The following GRM7 variants were observed in gnomAD, a reference collection of about 807,000 sequenced individuals.
The protein encoded by GRM7 is glutamate metabotropic receptor 7.
In GRM7, 35 loss-of-function variants were observed where a neutral mutation model predicts 84.5. The observed-to-expected ratio is 0.41, with a 90% CI of 0.32 to 0.55. The LOEUF is 0.55. Ranked by LOEUF, GRM7 falls within the 20% of genes least tolerant of loss-of-function variation. GRM7 has a pLI of 0.19. For missense variants in GRM7, 1,003 were observed against 1,194.6 expected (o/e 0.84, Z 2.36); for synonymous variants, 487 against 455.1 (o/e 1.07, Z -0.89).
intron 4 of GRM7, among the ~76,000 whole-genome samples, chr3:7,315,617 G>A (rs919601638): frequency 5.3e-5 from 8 of 152,104 alleles, no homozygotes; most frequent in African/African-American, 1.7e-4. Context: ...GAATAAATTC[G>A]TCTTTATTCC....
intron 1 of GRM7, among the ~76,000 whole-genome samples, chr3:7,017,198 T>C (rs973043927): frequency 6.6e-6 from 1 of 152,204 alleles, no homozygotes; most frequent in Non-Finnish European, 1.5e-5. Context: ...AAGGGAACTT[T>C]GGGCTCGTTA....
At chr3:6,922,735 T>G (rs1184248593) in intron 1 of GRM7, among the ~76,000 whole-genome samples, 1 of 152,216 alleles carries the variant, frequency 6.6e-6, no homozygotes, top group African/African-American at 2.4e-5. Context: ...CACATTATAA[T>G]TCATCTGAAA....
chr3:7,636,267 C>T, intron 8 of GRM7: 1 of 456,680 alleles, frequency 2.2e-6, no homozygotes, highest in South Asian at 1.5e-5. Flanking sequence ...CAGGCTTTCC[C>T]TGAATCATTG....
At chr3:6,883,991 A>G (rs2124968274) in intron 1 of GRM7, among the ~76,000 whole-genome samples, 1 of 152,352 alleles carries the variant, frequency 6.6e-6, no homozygotes, top group African/African-American at 2.4e-5. Context: ...AGTCAGTGTG[A>G]GACAAAAATG....
intron 9 of GRM7, among the ~76,000 whole-genome samples, chr3:7,694,936 C>G: frequency 6.6e-6 from 1 of 152,162 alleles, no homozygotes; most frequent in East Asian, 1.9e-4. Context: ...CCCAGTGATT[C>G]TGATGCACAT....
At chr3:6,981,107 G>A (rs888707726) in intron 1 of GRM7, among the ~76,000 whole-genome samples, 1 of 152,116 alleles carries the variant, frequency 6.6e-6, no homozygotes, top group Non-Finnish European at 1.5e-5. Flanking sequence ...CAAAGGCCAT[G>A]GAATGAAGTT....
chr3:7,240,120 G>GTTTTTTTTTTTTTTTTTTTT (rs397988598), intron 2 of GRM7, among the ~76,000 whole-genome samples: 1 of 52,722 alleles, frequency 1.9e-5, no homozygotes, highest in African/African-American at 7.0e-5. Context: ...AGCATGTGAG[G>GTTTTTTTTTTTTTTTTTTTT]TTTTTTTTTT....
chr3:7,454,735 A>G (rs1012108600), intron 6 of GRM7, among the ~76,000 whole-genome samples: 4 of 152,132 alleles, frequency 2.6e-5, no homozygotes, highest in Non-Finnish European at 4.4e-5. Context: ...TGAGAGAAAT[A>G]TAGAATGAAC....
chr3:6,900,427 A>C (rs1046579473), intron 1 of GRM7, among the ~76,000 whole-genome samples: 3 of 152,246 alleles, frequency 2.0e-5, no homozygotes, highest in African/African-American at 7.2e-5. Context: ...TAATTTATGC[A>C]CTTAGACACC....
At chr3:6,877,264 C>A (rs185245042) in intron 1 of GRM7, among the ~76,000 whole-genome samples, 1 of 151,844 alleles carries the variant, frequency 6.6e-6, no homozygotes, top group African/African-American at 2.4e-5. Context: ...TGCAGGGAGC[C>A]TAGCTGATTC....
chr3:7,262,432 T>C (rs915573875), intron 2 of GRM7, among the ~76,000 whole-genome samples: 3 of 152,216 alleles, frequency 2.0e-5, no homozygotes, highest in Non-Finnish European at 4.4e-5. Context: ...TCTTACAGTG[T>C]GTTTTTCAGC....
chr3:7,673,806 A>G (rs1448754735), intron 8 of GRM7, among the ~76,000 whole-genome samples: 5 of 152,170 alleles, frequency 3.3e-5, no homozygotes, highest in Non-Finnish European at 7.3e-5. Flanking sequence ...TACCGTGTTC[A>G]CCTAGTGTTT....
chr3:7,177,289 G>T (rs1695184750), intron 2 of GRM7, among the ~76,000 whole-genome samples: 1 of 152,204 alleles, frequency 6.6e-6, no homozygotes, highest in East Asian at 1.9e-4. Flanking sequence ...CACATCTTCT[G>T]TTTGTCTAGA....
intron 8 of GRM7, among the ~76,000 whole-genome samples, chr3:7,648,265 T>C (rs1698748177): frequency 7.0e-6 from 1 of 141,958 alleles, no homozygotes; most frequent in African/African-American, 3.0e-5. Context: ...TTTTATGTTT[T>C]TAAAAGAAAA....
intron 1 of GRM7, among the ~76,000 whole-genome samples, chr3:7,018,956 G>C (rs990498283): frequency 3.3e-5 from 5 of 152,148 alleles, no homozygotes; most frequent in Non-Finnish European, 7.3e-5. Context: ...AATTAGCCAG[G>C]CGTCATGGCG....
chr3:7,740,628 G>A lies in GRM7; in HGVS notation c.*222G>A, dbSNP rs552088301. 42 of 399,250 alleles carry A rather than the reference G, an allele frequency of 1.1e-4. No individual in the cohort carries two copies. The highest frequency in any genetic ancestry group is 9.9e-4 in the East Asian group (25 of 25,164). 24.7% of individuals were successfully genotyped at this position (399,250 alleles called of 1,614,324 possible). ...TCACTGACATCAGCACTGCCAACTC[G>A]GCTGCAATTGTGGACCTTCCCTACC... On this transcript the variant is annotated 3_prime_UTR_variant, in exon 10 of 10. Transcript: ENST00000357716.
At chr3:6,900,827 A>T (rs930465938) in intron 1 of GRM7, among the ~76,000 whole-genome samples, 1 of 152,330 alleles carries the variant, frequency 6.6e-6, no homozygotes, top group South Asian at 2.1e-4. Context: ...CATCAGGGCT[A>T]GGTATTATTG....
intron 8 of GRM7, among the ~76,000 whole-genome samples, chr3:7,583,364 G>T (rs555546479): frequency 3.3e-4 from 51 of 152,272 alleles, no homozygotes; most frequent in South Asian, 6.2e-4. Flanking sequence ...CTAATAGAGG[G>T]ATCAGAAAAT....
At chr3:7,279,529 C>A (rs985389216) in intron 2 of GRM7, among the ~76,000 whole-genome samples, 1 of 151,936 alleles carries the variant, frequency 6.6e-6, no homozygotes, top group African/African-American at 2.4e-5. Flanking sequence ...TAGATGTGGG[C>A]AAACTGAAGT....
Sources: gnomAD v4.1 joint callset for allele counts (sites outside exome capture counted in the v4.1 genomes callset) on GRCh38, gnomAD v4.1.1 for gene constraint, MANE v1.5 for transcripts, NCBI Gene and HGNC (gene_info 2026-07-23, HGNC 2026-07-21) for gene names.